Variants in ZNF704 observed in about 807,000 individuals in gnomAD.
ZNF704 encodes zinc finger protein 704.
In ZNF704, 10 loss-of-function variants were observed where a neutral mutation model predicts 44.7. The observed-to-expected ratio is 0.22, with a 90% CI of 0.14 to 0.38. ZNF704 has a LOEUF of 0.38. ZNF704 is among the 10% of genes least tolerant of loss of function. The probability of loss-of-function intolerance (pLI) is 1.00; values close to 1 mark genes in which losing one functional copy is unlikely to be tolerated. For missense variants in ZNF704, 390 were observed against 545.5 expected, an observed-to-expected ratio of 0.71 and a Z score of 2.84; for synonymous variants, 211 against 207.6, an observed-to-expected ratio of 1.02 and a Z score of -0.14.
At chr8:80,679,140 T>A (rs1818412983) in intron 4 of ZNF704, among the ~76,000 whole-genome samples, 1 of 152,300 alleles carries the variant, frequency 6.6e-6, no homozygotes, top group East Asian at 1.9e-4. Context: ...CTTCCAAGGT[T>A]GTTAGCCCCT....
intron 2 of ZNF704, among the ~76,000 whole-genome samples, chr8:80,737,158 A>G (rs1416094066): frequency 2.0e-5 from 3 of 152,244 alleles, no homozygotes; most frequent in African/African-American, 4.8e-5. Flanking sequence ...CTACTTACAT[A>G]TAACAGATCA....
intron 2 of ZNF704, among the ~76,000 whole-genome samples, chr8:80,820,105 A>C (rs996995811): frequency 1.3e-5 from 2 of 152,238 alleles, no homozygotes; most frequent in Non-Finnish European, 2.9e-5. Context: ...ATTACAAATA[A>C]GCAATCTCTC....
chr8:80,791,252 A>T (rs1328925235), intron 2 of ZNF704, among the ~76,000 whole-genome samples: 1 of 152,056 alleles, frequency 6.6e-6, no homozygotes, highest in East Asian at 1.9e-4. Flanking sequence ...ATCAACAAGA[A>T]CCTCCTGCTC....
intron 7 of ZNF704, among the ~76,000 whole-genome samples, chr8:80,648,577 C>A (rs1051344877): frequency 6.6e-6 from 1 of 152,106 alleles, no homozygotes; most frequent in Non-Finnish European, 1.5e-5. Context: ...AGAAAACTTG[C>A]AAAATAAATA....
intron 2 of ZNF704, among the ~76,000 whole-genome samples, chr8:80,747,355 T>G (rs180783807): frequency 6.6e-6 from 1 of 152,230 alleles, no homozygotes; most frequent in East Asian, 1.9e-4. Flanking sequence ...TTGAATATAG[T>G]TTATACCATA....
At chr8:80,827,515 C>T (rs1808398849) in intron 1 of ZNF704, among the ~76,000 whole-genome samples, 1 of 152,118 alleles carries the variant, frequency 6.6e-6, no homozygotes, top group Non-Finnish European at 1.5e-5. Context: ...TTTATAGATT[C>T]AATGCCATCC....
intron 1 of ZNF704, among the ~76,000 whole-genome samples, chr8:80,872,858 T>C (rs764273360): frequency 6.6e-6 from 1 of 152,160 alleles, no homozygotes; most frequent in Non-Finnish European, 1.5e-5. Flanking sequence ...CCTCTTTTTT[T>C]CTCATTTGCA....
At position 80,687,293 on chromosome 8, in the gene ZNF704, T is replaced by C; in HGVS notation, c.491A>G (p.Asp164Gly). ...GGCCTCCGCCTCGTCGATGCCGTCG[T>C]CTGGCTGCGCGGGGCTGCGGAAGGG... is the stretch of plus-strand genomic sequence containing the variant. ...FKPFRSPAQP[D>G]DGIDEAEASN... Residue 164 changes from aspartate to glycine, a missense_variant, in exon 4 of 9, where the codon GAC (aspartate) becomes GGC (glycine). Physicochemically the swap from Asp to Gly is moderately conservative, Grantham distance 94 (BLOSUM62 -1). Coordinates refer to ENST00000327835, the MANE Select transcript of ZNF704 (RefSeq NM_001033723.3). The C allele has an allele frequency of 6.2e-7, 1 of 1,613,140 alleles. No homozygotes were observed. Among genetic ancestry groups the C allele is most frequent in the Non-Finnish European group, 8.5e-7 (1 of 1,179,864 alleles).
At chr8:80,651,696 A>G (rs1817923111) in intron 7 of ZNF704, among the ~76,000 whole-genome samples, 1 of 152,248 alleles carries the variant, frequency 6.6e-6, no homozygotes, top group Non-Finnish European at 1.5e-5. Flanking sequence ...AAAGAGACTT[A>G]GACTCCCACA....
intron 7 of ZNF704, among the ~76,000 whole-genome samples, chr8:80,654,509 C>A (rs964577270): frequency 9.2e-5 from 14 of 152,156 alleles, no homozygotes; most frequent in Admixed American, 6.5e-4. Context: ...AAACAAACAA[C>A]CCCATCAAAA....
intron 5 of ZNF704, among the ~76,000 whole-genome samples, chr8:80,668,231 C>T (rs1351859537): frequency 1.3e-5 from 2 of 152,214 alleles, no homozygotes; most frequent in African/African-American, 4.8e-5. Flanking sequence ...ACGGGTGTCC[C>T]CTCACTGCAG....
At chr8:80,685,814 G>T (rs773685521) in intron 4 of ZNF704, among the ~76,000 whole-genome samples, 49 of 152,220 alleles carry the variant, frequency 3.2e-4, no homozygotes, top group Non-Finnish European at 6.8e-4. Context: ...GCTGAGAGAT[G>T]CAGGGAGGGA....
At chr8:80,675,205 C>T (rs1818344728) in intron 4 of ZNF704, among the ~76,000 whole-genome samples, 1 of 152,164 alleles carries the variant, frequency 6.6e-6, no homozygotes, top group Non-Finnish European at 1.5e-5. Context: ...GCCAGCCAAG[C>T]TAAGAGCTAG....
At chr8:80,740,766 A>T (rs191541378) in intron 2 of ZNF704, among the ~76,000 whole-genome samples, 1 of 152,172 alleles carries the variant, frequency 6.6e-6, no homozygotes, top group Admixed American at 6.5e-5. Flanking sequence ...CAACGTCTCA[A>T]CTCACCTGGA....
chr8:80,737,396 T>G (rs894620174), intron 2 of ZNF704, among the ~76,000 whole-genome samples: 9 of 152,240 alleles, frequency 5.9e-5, no homozygotes, highest in African/African-American at 2.2e-4. Flanking sequence ...AGTCCCTTGC[T>G]AACTGTTGGT....
intron 4 of ZNF704, among the ~76,000 whole-genome samples, chr8:80,675,364 G>T (rs911795958): frequency 8.5e-5 from 13 of 152,212 alleles, no homozygotes; most frequent in African/African-American, 2.9e-4. Context: ...AGCAGGGTCA[G>T]ATCATGTGGG....
chr8:80,855,121 T>C (rs948748298), intron 1 of ZNF704, among the ~76,000 whole-genome samples: 3 of 152,212 alleles, frequency 2.0e-5, no homozygotes, highest in African/African-American at 7.2e-5. Context: ...ACGCCTTTCT[T>C]GTTCAATAGT....
chr8:80,847,965 C>G (rs1309579008), intron 1 of ZNF704, among the ~76,000 whole-genome samples: 1 of 152,128 alleles, frequency 6.6e-6, no homozygotes, highest in Non-Finnish European at 1.5e-5. Flanking sequence ...CAAGTTTATA[C>G]AAAAATGTAT....
chr8:80,854,513 A>G (rs1248391128), intron 1 of ZNF704, among the ~76,000 whole-genome samples: 1 of 152,236 alleles, frequency 6.6e-6, no homozygotes, highest in African/African-American at 2.4e-5. Flanking sequence ...TACTTTTCTA[A>G]AAGACTTGTA....
Sources: allele counts gnomAD v4.1 joint callset (sites outside exome capture counted in the v4.1 genomes callset), GRCh38; gene constraint gnomAD v4.1.1; transcripts MANE v1.5; gene names NCBI Gene and HGNC (gene_info 2026-07-23, HGNC 2026-07-21).